The following FRMD3 variants were observed in gnomAD, a reference collection of about 807,000 sequenced individuals.
The protein encoded by FRMD3 is FERM domain-containing protein 3.
FRMD3 carries 33 observed loss-of-function variants against 70.2 expected under a neutral mutation model. The observed-to-expected ratio is 0.47, with a 90% CI of 0.36 to 0.63. The LOEUF (loss-of-function observed/expected upper bound fraction) is 0.63, where lower values mean the gene tolerates loss of function less well. Ranked by LOEUF, FRMD3 falls within the 20% of genes least tolerant of loss-of-function variation. The probability of loss-of-function intolerance (pLI) is 0.00; values close to 1 mark genes in which losing one functional copy is unlikely to be tolerated. For missense variants in FRMD3, 632 were observed against 711.4 expected, an observed-to-expected ratio of 0.89 and a Z score of 1.27; for synonymous variants, 279 against 255.9, an observed-to-expected ratio of 1.09 and a Z score of -0.86.
chr9:83,439,400 T>C (rs1827233917), intron 1 of FRMD3, among the ~76,000 whole-genome samples: 1 of 152,220 alleles, frequency 6.6e-6, no homozygotes, highest in Admixed American at 6.5e-5. Context: ...TCACAACTGG[T>C]TTGCTCTGAG....
the FRMD3 span, among the ~76,000 whole-genome samples, chr9:83,585,736 A>C: frequency 6.6e-6 from 1 of 152,236 alleles, no homozygotes; most frequent in East Asian, 1.9e-4. Flanking sequence ...AGTTAGAAAT[A>C]AACTTCCAAC....
Position 83,431,830 on chromosome 9 carries a change from GT to G in FRMD3, c.148-42123del, listed in dbSNP as rs1826986498. Among the ~76,000 whole-genome samples the G allele has an allele frequency of 9.2e-5, 14 of 152,282 alleles. No individual in the cohort carries two copies. In the South Asian group the frequency reaches 2.9e-3, roughly 32 times the overall value. On this transcript the variant is annotated intron_variant, in intron 1 of 13. Transcript: ENST00000304195. ...GACCTGGCCTGAGTTCTAGGTGGAA[GT>G]TTCCATTTGCCTTTCAGGAATGAGC...
chr9:83,561,750 T>C, the FRMD3 span, among the ~76,000 whole-genome samples: 1 of 152,138 alleles, frequency 6.6e-6, no homozygotes, highest in African/African-American at 2.4e-5. Context: ...GAAAGTCTCA[T>C]GGAAAACCCT....
At chr9:83,508,385 C>A (rs943267801) in intron 1 of FRMD3, among the ~76,000 whole-genome samples, 1 of 152,188 alleles carries the variant, frequency 6.6e-6, no homozygotes, top group Non-Finnish European at 1.5e-5. Flanking sequence ...TGTACGCACA[C>A]ATATAACTTT....
the FRMD3 span, among the ~76,000 whole-genome samples, chr9:83,582,812 T>C: frequency 6.6e-6 from 1 of 152,208 alleles, no homozygotes. Flanking sequence ...TGTTCTCAAA[T>C]TGAAGTACCA....
intron 3 of FRMD3, among the ~76,000 whole-genome samples, chr9:83,371,419 C>T (rs1162757510): frequency 4.6e-5 from 7 of 152,076 alleles, no homozygotes; most frequent in South Asian, 2.1e-4. Flanking sequence ...TGAGTTCAAG[C>T]GATTCTCCTG....
chr9:83,330,336 A>C (rs1180579321), intron 6 of FRMD3, among the ~76,000 whole-genome samples: 119 of 136,662 alleles, frequency 8.7e-4, no homozygotes, highest in Non-Finnish European at 1.5e-3. Context: ...AAAAAAAAAA[A>C]ACAAAAAAAA....
intron 2 of FRMD3, among the ~76,000 whole-genome samples, chr9:83,373,952 T>A (rs978818098): frequency 6.6e-6 from 1 of 152,236 alleles, no homozygotes; most frequent in Non-Finnish European, 1.5e-5. Flanking sequence ...TTCTTTGATG[T>A]AAATGCATAA....
At chr9:83,463,886 T>C (rs1828045276) in intron 1 of FRMD3, among the ~76,000 whole-genome samples, 1 of 152,208 alleles carries the variant, frequency 6.6e-6, no homozygotes, top group Non-Finnish European at 1.5e-5. Context: ...GGAGAGAACA[T>C]GTCATCTGAC....
At chr9:83,581,252 T>C in the FRMD3 span, among the ~76,000 whole-genome samples, 2 of 152,100 alleles carry the variant, frequency 1.3e-5, no homozygotes, top group East Asian at 1.9e-4. Flanking sequence ...ACCAAGTATA[T>C]AAAGAACTCT....
In FRMD3 at chr9:83,335,599, A is replaced by G. The variant is rs1220422458; in HGVS notation, c.513T>C (p.Asn171=). The stretch of plus-strand genomic sequence containing the variant: ...GGAAAATCTCAAACTCACTGATGTA[A>G]TTCTCAGGATGCTCATCAGGATCGT... ...GDYDPDEHPE[N]YISEFEIFPK... is the part of the protein sequence containing the mutation. Residue 171 remains asparagine, a synonymous_variant, in exon 6 of 14, where the codon AAT becomes AAC. Coordinates refer to ENST00000304195, the MANE Select transcript of FRMD3 (RefSeq NM_174938.6). 19 of 1,612,954 alleles carry G rather than the reference A, an allele frequency of 1.2e-5. No homozygotes were observed. Among genetic ancestry groups the G allele is most frequent in the Non-Finnish European group, 1.6e-5 (19 of 1,179,148 alleles).
At chr9:83,317,886 C>T (rs551205137) in intron 6 of FRMD3, among the ~76,000 whole-genome samples, 7 of 152,148 alleles carry the variant, frequency 4.6e-5, no homozygotes, top group Admixed American at 1.3e-4. Flanking sequence ...GTCAGCAACA[C>T]GTACAACCAA....
chr9:83,434,241 G>C (rs1448529286), intron 1 of FRMD3, among the ~76,000 whole-genome samples: 1 of 152,240 alleles, frequency 6.6e-6, no homozygotes, highest in Non-Finnish European at 1.5e-5. Context: ...GATGGAGTTT[G>C]AGGTCACTTT....
Position 83,350,856 on chromosome 9 carries a change from T to C in FRMD3, c.296-1099A>G, listed in dbSNP as rs75087810. 383 of 545,730 alleles carry C rather than the reference T, an allele frequency of 7.0e-4. 4 individuals are homozygous for C. The highest frequency in any genetic ancestry group is 3.0e-4 in the Non-Finnish European group (128 of 428,378). The allele number at this position is 545,730 out of a possible 1,614,324, so 33.8% of individuals were successfully genotyped here. A position where few individuals can be genotyped will look rare whatever the true frequency, so the allele number is the denominator to read the frequency against. The stretch of plus-strand genomic sequence containing the variant: ...CCAAGATCTTCCATTATAAGATCAC[T>C]ACCGACTTGTAATATTACACTGATA... On this transcript the variant is annotated intron_variant, in intron 3 of 13. Coordinates refer to ENST00000304195, the MANE Select transcript of FRMD3 (RefSeq NM_174938.6).
intron 1 of FRMD3, among the ~76,000 whole-genome samples, chr9:83,400,696 T>C (rs910054962): frequency 1.3e-5 from 2 of 152,066 alleles, no homozygotes; most frequent in African/African-American, 4.8e-5. Context: ...AATAGAAAAA[T>C]GAAACACAAT....
chr9:83,416,751 C>CTGTCTCTCTCTCTCTCTCTCTG (rs1177598612), intron 1 of FRMD3, among the ~76,000 whole-genome samples: 6 of 102,072 alleles, frequency 5.9e-5, no homozygotes, highest in African/African-American at 2.6e-4. Flanking sequence ...CTCTGTCTCT[C>CTGTCTCTCTCTCTCTCTCTCTG]TCTCTCTCTC....
intron 10 of FRMD3, among the ~76,000 whole-genome samples, chr9:83,309,252 T>C (rs1835256584): frequency 7.4e-6 from 1 of 135,914 alleles, no homozygotes; most frequent in South Asian, 2.5e-4. Context: ...GAAATAGCTA[T>C]TTGAAATACA....
At chr9:83,428,288 G>T (rs1348275334) in intron 1 of FRMD3, among the ~76,000 whole-genome samples, 2 of 151,846 alleles carry the variant, frequency 1.3e-5, no homozygotes, top group Admixed American at 1.3e-4. Flanking sequence ...TGAGGCAGAA[G>T]AATTGCTTGA....
At chr9:83,477,447 T>G (rs1227163607) in intron 1 of FRMD3, among the ~76,000 whole-genome samples, 1 of 152,140 alleles carries the variant, frequency 6.6e-6, no homozygotes, top group African/African-American at 2.4e-5. Flanking sequence ...TACTAATGCC[T>G]GGTTCCCACC....
Sources: gnomAD v4.1 joint callset for allele counts (sites outside exome capture counted in the v4.1 genomes callset) on GRCh38, gnomAD v4.1.1 for gene constraint, MANE v1.5 for transcripts, NCBI Gene and HGNC (gene_info 2026-07-23, HGNC 2026-07-21) for gene names.